The following DHRSX variants were observed in gnomAD, a reference collection of about 807,000 sequenced individuals.
DHRSX encodes polyprenol dehydrogenase.
DHRSX carries 31 observed loss-of-function variants against 34.0 expected under a neutral mutation model. The ratio of observed to expected loss-of-function variants is 0.91; its 90% CI spans 0.69 to 1.23. DHRSX has a LOEUF of 1.23. DHRSX is among the 50% of genes most tolerant of loss of function. DHRSX has a pLI of 0.00. For missense variants in DHRSX, 414 were observed against 428.1 expected, an observed-to-expected ratio of 0.97 and a Z score of 0.29; for synonymous variants, 201 against 183.8, an observed-to-expected ratio of 1.09 and a Z score of -0.76.
At chrX:2,441,929 C>T in intron 1 of DHRSX, among the ~76,000 whole-genome samples, 1 of 152,180 alleles carries the variant, frequency 6.6e-6, no homozygotes, top group Admixed American at 6.5e-5. Context: ...AAAAAATTAG[C>T]TGGGTGTGGT....
intron 1 of DHRSX, among the ~76,000 whole-genome samples, chrX:2,464,418 G>A (rs2044453384): frequency 1.3e-5 from 1 of 78,918 alleles, no homozygotes; most frequent in Admixed American, 1.1e-4. Flanking sequence ...TATACACACT[G>A]AAGATGTTCC....
chrX:2,289,837 T>TCTGAAGGCAAATCAGATTTCA (rs1418919584), intron 4 of DHRSX, among the ~76,000 whole-genome samples: 2 of 152,202 alleles, frequency 1.3e-5, no homozygotes, highest in Non-Finnish European at 2.9e-5. Context: ...CCCACCAGGA[T>TCTGAAGGCAAATCAGATTTCA]GGCAAATCTG....
chrX:2,261,518 T>C (rs2041363162), intron 5 of DHRSX: 1 of 152,128 alleles, frequency 6.6e-6, no homozygotes, highest in Non-Finnish European at 1.5e-5. Flanking sequence ...ATGCCTGTAA[T>C]CCACGCACTT....
chrX:2,486,694 C>T (rs1272842864), intron 1 of DHRSX: 1 of 152,304 alleles, frequency 6.6e-6, no homozygotes, highest in African/African-American at 2.4e-5. Context: ...ACCCCAAAGC[C>T]TGCCCCACTG....
At chrX:2,311,091 G>C (rs867175491) in intron 3 of DHRSX, among the ~76,000 whole-genome samples, 6 of 151,020 alleles carry the variant, frequency 4.0e-5, no homozygotes, top group Non-Finnish European at 7.4e-5. Context: ...GACAGAAGGA[G>C]AGAGACACAG....
intron 1 of DHRSX, among the ~76,000 whole-genome samples, chrX:2,490,983 T>C (rs771396912): frequency 1.1e-4 from 16 of 152,096 alleles, no homozygotes; most frequent in African/African-American, 3.9e-4. Flanking sequence ...TTAATCCGAC[T>C]GCAGCGATGC....
chrX:2,454,067 A>G lies in DHRSX; in HGVS notation c.110-28763T>C, dbSNP rs1796729242. 3.9e-5 allele frequency among the ~76,000 whole-genome samples: 6 copies of G among 152,342 alleles called. No individual in the cohort carries two copies. The South Asian group carries it at 1.2e-3, about 32-fold the overall frequency. ...TTTGTTAACGAAAAATAAATTTTCT[A>G]TAAAAATGACTTGCATTTCCAGGCA... On this transcript the variant is annotated intron_variant, in intron 1 of 6. Transcript: ENST00000334651.
At chrX:2,356,495 G>A (rs1207812436) in intron 3 of DHRSX, among the ~76,000 whole-genome samples, 1 of 152,202 alleles carries the variant, frequency 6.6e-6, no homozygotes, top group Non-Finnish European at 1.5e-5. Flanking sequence ...AAAAGAACAT[G>A]AAAGAGAAGG....
chrX:2,224,967 C>T (rs1274800842), intron 6 of DHRSX, among the ~76,000 whole-genome samples: 1 of 149,590 alleles, frequency 6.7e-6, no homozygotes, highest in Non-Finnish European at 1.5e-5. Flanking sequence ...CACATGCTCA[C>T]ATTCACATGC....
intron 3 of DHRSX, among the ~76,000 whole-genome samples, chrX:2,355,511 T>TAAAAAAAAAAAA (rs767512287): frequency 6.6e-5 from 5 of 75,302 alleles, no homozygotes; most frequent in African/African-American, 1.8e-4. Context: ...AGACCCCATC[T>TAAAAAAAAAAAA]AAAAAAAAAA....
intron 6 of DHRSX, among the ~76,000 whole-genome samples, chrX:2,221,822 A>AC (rs1340270354): frequency 6.6e-6 from 1 of 152,086 alleles, no homozygotes; most frequent in Admixed American, 6.6e-5. Context: ...AACACAGCAC[A>AC]CCCTGGTTTT....
chrX:2,380,069 G>C (rs1199101528), intron 3 of DHRSX, among the ~76,000 whole-genome samples: 2 of 151,944 alleles, frequency 1.3e-5, no homozygotes, highest in Non-Finnish European at 2.9e-5. Context: ...GGCCGAGGCG[G>C]GCAAACCATG....
rs747078260 is a variant in DHRSX, at chrX:2,298,601, T to TACACACACACAC, written c.287-7010_287-6999dup. 3.8e-5 allele frequency among the ~76,000 whole-genome samples: 5 copies of TACACACACACAC among 131,818 alleles called. 1 individual carries two copies. Among genetic ancestry groups the TACACACACACAC allele is most frequent in the African/African-American group, 1.6e-4 (4 of 24,368 alleles). The allele number at this position is 131,818 out of a possible 152,430, so 86.5% of individuals were successfully genotyped here. ...AGCAGTTCTCCTGCAGGCGCGTGTG[T>TACACACACACAC]ACACACACACACACACACACACACA... On this transcript the variant is annotated intron_variant, in intron 3 of 6. Coordinates refer to ENST00000334651, the MANE Select transcript of DHRSX (RefSeq NM_145177.3).
At chrX:2,236,892 A>AG (rs1371651528) in intron 6 of DHRSX, among the ~76,000 whole-genome samples, 2 of 151,714 alleles carry the variant, frequency 1.3e-5, no homozygotes, top group African/African-American at 2.4e-5. Flanking sequence ...ATAAAAAAAA[A>AG]AAAAGAAATG....
intron 3 of DHRSX, among the ~76,000 whole-genome samples, chrX:2,320,078 C>A (rs1569488298): frequency 6.6e-6 from 1 of 151,918 alleles, no homozygotes; most frequent in Non-Finnish European, 1.5e-5. Context: ...ATCCACCCGC[C>A]TCGGCCTCCC....
intron 5 of DHRSX, among the ~76,000 whole-genome samples, chrX:2,247,786 CTCAGAAGCAGCA>C (rs2016333867): frequency 6.6e-6 from 1 of 151,912 alleles, no homozygotes; most frequent in African/African-American, 2.4e-5. Flanking sequence ...AAATGAAGAC[CTCAGAAGCAGCA>C]TCAGAAGCAA....
At chrX:2,474,885 A>C (rs1242185004) in intron 1 of DHRSX, among the ~76,000 whole-genome samples, 1 of 151,466 alleles carries the variant, frequency 6.6e-6, no homozygotes, top group Non-Finnish European at 1.5e-5. Flanking sequence ...TTCCCTAAGA[A>C]TGCGGCCAAG....
intron 1 of DHRSX, among the ~76,000 whole-genome samples, chrX:2,491,341 A>G (rs781422784): frequency 6.6e-6 from 1 of 152,222 alleles, no homozygotes; most frequent in East Asian, 1.9e-4. Flanking sequence ...AAGTGCTGGG[A>G]TGACAGGCGT....
intron 1 of DHRSX, among the ~76,000 whole-genome samples, chrX:2,466,990 G>C (rs771582462): frequency 6.6e-6 from 1 of 151,532 alleles, no homozygotes; most frequent in Middle Eastern, 3.4e-3. Flanking sequence ...CCTTGAATGC[G>C]GGAGACAGAG....
Sources: gnomAD v4.1 joint callset for allele counts (sites outside exome capture counted in the v4.1 genomes callset) on GRCh38, gnomAD v4.1.1 for gene constraint, MANE v1.5 for transcripts, NCBI Gene and HGNC (gene_info 2026-07-23, HGNC 2026-07-21) for gene names.